NMT1: variants seen among roughly 807,000 people sequenced by gnomAD.
The protein encoded by NMT1 is glycylpeptide N-tetradecanoyltransferase 1.
Under a neutral mutation model 63.4 loss-of-function variants are expected in NMT1, and 12 were observed. The observed-to-expected ratio is 0.19, with a 90% confidence interval of 0.12 to 0.31. The LOEUF is 0.31. Ranked by LOEUF, NMT1 falls within the 10% of genes least tolerant of loss-of-function variation. The probability of loss-of-function intolerance (pLI) is 1.00; values close to 1 mark genes in which losing one functional copy is unlikely to be tolerated. For missense variants in NMT1, 432 were observed against 634.6 expected, an observed-to-expected ratio of 0.68 and a Z score of 3.43; for synonymous variants, 228 against 234.3, an observed-to-expected ratio of 0.97 and a Z score of 0.25.
chr17:45,092,673 G>A (rs564767191), intron 3 of NMT1, among the ~76,000 whole-genome samples: 5 of 147,020 alleles, frequency 3.4e-5, no homozygotes, highest in African/African-American at 1.3e-4. Flanking sequence ...TCGCACCACT[G>A]TACTCCAACC....
intron 1 of NMT1, 23 bp downstream of exon 1, chr17:45,061,483 A>AT (rs751527111): frequency 1.9e-6 from 3 of 1,606,364 alleles, no homozygotes; most frequent in Non-Finnish European, 2.6e-6. Context: ...TCGGAGTCCA[A>AT]TTCCCGTCCA....
At position 45,103,508 on chromosome 17, in the gene NMT1, G is replaced by C. The variant is rs2054181442; in HGVS notation, c.1165-201G>C. Among the ~76,000 whole-genome samples, 1 of 152,178 alleles carries C rather than the reference G, an allele frequency of 6.6e-6. No homozygotes were observed. Among genetic ancestry groups the C allele is most frequent in the Admixed American group, 6.5e-5 (1 of 15,276 alleles). ...CCCATGCTGGGAAAGAGGTCTGGCA[G>C]GTTCAGCCCACGATCACGGCTCTGT... On this transcript the variant is annotated intron_variant, in intron 9 of 11. Transcript: ENST00000258960. The surrounding 1 kb of genome is among the most constrained non-coding windows in gnomAD (Gnocchi z 4.8).
intron 5 of NMT1, among the ~76,000 whole-genome samples, chr17:45,096,863 G>T (rs544459075): frequency 6.6e-6 from 1 of 152,366 alleles, no homozygotes; most frequent in Non-Finnish European, 1.5e-5. Context: ...AGCTGTCAAA[G>T]TGAACACAGA....
At chr17:45,093,359 A>G (rs2054101820) in intron 3 of NMT1, among the ~76,000 whole-genome samples, 1 of 152,212 alleles carries the variant, frequency 6.6e-6, no homozygotes, top group African/African-American at 2.4e-5. Flanking sequence ...CCCTGACAGC[A>G]CTCTTTACAC....
chr17:45,062,080 G>A (rs934193503), intron 1 of NMT1, among the ~76,000 whole-genome samples: 1 of 152,014 alleles, frequency 6.6e-6, no homozygotes. Context: ...TTAAGTCTTC[G>A]AACATCTTTG....
At chr17:45,063,898 A>G (rs1300632417) in intron 1 of NMT1, among the ~76,000 whole-genome samples, 1 of 150,606 alleles carries the variant, frequency 6.6e-6, no homozygotes, top group Non-Finnish European at 1.5e-5. Flanking sequence ...CCTGTCTCAG[A>G]AAAAAAAGTG....
At chr17:45,091,236 A>ACACACACACG (rs1567868458) in intron 3 of NMT1, among the ~76,000 whole-genome samples, 1 of 119,158 alleles carries the variant, frequency 8.4e-6, no homozygotes, top group South Asian at 2.5e-4. Context: ...ACACACACAC[A>ACACACACACG]CGTCCCATAG....
At chr17:45,102,796 A>C (rs1376505863) in intron 8 of NMT1, among the ~76,000 whole-genome samples, 155 bp from the exon 9 acceptor site, 2 of 152,112 alleles carry the variant, frequency 1.3e-5, no homozygotes, top group African/African-American at 4.8e-5. Context: ...GAAGATACGG[A>C]AGAGGCAGGC....
At chr17:45,073,293 C>A (rs1219010116) in intron 1 of NMT1, among the ~76,000 whole-genome samples, 3 of 152,030 alleles carry the variant, frequency 2.0e-5, no homozygotes, top group Admixed American at 6.6e-5. Context: ...ATGGCACATG[C>A]CTGAAATCCC....
chr17:45,081,851 TGG>T, intron 2 of NMT1, 99 bp downstream of exon 2: 1 of 888,536 alleles, frequency 1.1e-6, no homozygotes, highest in Non-Finnish European at 1.7e-6. Flanking sequence ...CGTTCTCCAC[TGG>T]TATTACTTCA....
chr17:45,102,945 C>G lies in NMT1; in HGVS notation c.994-6C>G. On this transcript the variant is annotated splice_region_variant and splice_polypyrimidine_tract_variant and intron_variant, in intron 8 of 11. Transcript: ENST00000258960. ...TCTCACTCCATCTCTTCTGTCTTGC[C>G]TCCAGACTCCCAAGACAGCTGGGCT... 1 of 1,606,020 alleles carries G rather than the reference C, an allele frequency of 6.2e-7. No homozygotes were observed.
rs2054197536 is a variant in NMT1, at chr17:45,105,577, C to T, written c.1471-42C>T. The T allele has an allele frequency of 1.2e-6, 2 of 1,611,416 alleles. No individual in the cohort carries two copies. Among genetic ancestry groups the T allele is most frequent in the African/African-American group, 2.7e-5 (2 of 74,828 alleles). ...AGGGGGTGTGGGAGAGTCTTTGGGC[C>T]ACTGTCAACTCAGCTCTGCCTCTCC... is the stretch of plus-strand genomic sequence containing the variant. On this transcript the variant is annotated intron_variant, in intron 11 of 11. Transcript: ENST00000258960. The surrounding 1 kb of genome is among the most constrained non-coding windows in gnomAD (Gnocchi z 4.2).
chr17:45,064,234 A>G (rs1404736279), intron 1 of NMT1, among the ~76,000 whole-genome samples: 1 of 152,182 alleles, frequency 6.6e-6, no homozygotes, highest in Non-Finnish European at 1.5e-5. Context: ...GTAAGTGATA[A>G]CCTTAAAAAC....
At chr17:45,062,230 G>C (rs923167156) in intron 1 of NMT1, among the ~76,000 whole-genome samples, 3 of 152,146 alleles carry the variant, frequency 2.0e-5, no homozygotes, top group African/African-American at 7.2e-5. Flanking sequence ...TGTTCCTAGG[G>C]ATGAAGAAAC....
chr17:45,098,527 C>A lies in NMT1; in HGVS notation c.859C>A (p.Leu287Ile), dbSNP rs759663986. The change falls in exon 7 of 12, where the codon CTA (leucine) becomes ATA (isoleucine). Residue 287 changes from leucine to isoleucine, a missense_variant. Leu to Ile is a conservative substitution (Grantham distance 5). Transcript: ENST00000258960. ...AGCAGTTTACACTGCCGGGGTGGTACTACCAAAGCCCGTTGGCACCTGCAG... is the reference window on the plus strand; with the variant it reads ...AGCAGTTTACACTGCCGGGGTGGTAATACCAAAGCCCGTTGGCACCTGCAG... ...FQAVYTAGVV[L>I]PKPVGTCRYW... 6 of 1,613,990 alleles carry A rather than the reference C, an allele frequency of 3.7e-6. No individual in the cohort carries two copies. The highest frequency in any genetic ancestry group is 1.7e-5 in the Admixed American group (1 of 59,998).
chr17:45,096,369 C>A, intron 5 of NMT1, 84 bp downstream of exon 5: 2 of 1,084,360 alleles, frequency 1.8e-6, no homozygotes, highest in South Asian at 1.3e-5. Flanking sequence ...TTCATCCCTG[C>A]CAGGGGCCAA....
intron 3 of NMT1, among the ~76,000 whole-genome samples, chr17:45,091,519 T>C (rs2054087989): frequency 6.6e-6 from 1 of 152,116 alleles, no homozygotes; most frequent in African/African-American, 2.4e-5. Flanking sequence ...TCAGTATTCT[T>C]GGCCATGGAA....
At chr17:45,075,831 C>T (rs192930663) in intron 1 of NMT1, among the ~76,000 whole-genome samples, 23 of 151,976 alleles carry the variant, frequency 1.5e-4, no homozygotes, top group African/African-American at 2.7e-4. Flanking sequence ...GCACTTTGAG[C>T]GGCTGAGGCA....
In NMT1 at chr17:45,065,039, A is replaced by G. The variant is rs556723596; in HGVS notation, c.131+3579A>G. Among the ~76,000 whole-genome samples the G allele has an allele frequency of 4.6e-5, 7 of 152,300 alleles. No individual in the cohort carries two copies. The South Asian group carries it at 1.2e-3, about 27-fold the overall frequency. ...AGCTTTTATCGTAACAATAGTTATA[A>G]TAACAATAAATATAACTACATGTTT... On this transcript the variant is annotated intron_variant, in intron 1 of 11. Transcript: ENST00000258960.
Sources: gnomAD v4.1 joint callset for allele counts (sites outside exome capture counted in the v4.1 genomes callset) on GRCh38, gnomAD v4.1.1 for gene constraint, Gnocchi (gnomAD v3.1) non-coding constraint, MANE v1.5 for transcripts, NCBI Gene and HGNC (gene_info 2026-07-23, HGNC 2026-07-21) for gene names.